The following KCNIP4 variants were observed in gnomAD, a reference collection of about 807,000 sequenced individuals.
The protein encoded by KCNIP4 is potassium voltage-gated channel interacting protein 4.
Under a neutral mutation model 34.0 loss-of-function variants are expected in KCNIP4, and 12 were observed. The observed-to-expected ratio is 0.35, with a 90% confidence interval of 0.23 to 0.57. The LOEUF (loss-of-function observed/expected upper bound fraction) is 0.57. Among genes scored for constraint, KCNIP4 ranks in the 20% least tolerant of loss-of-function variants. KCNIP4 has a pLI of 0.83. For synonymous variants in KCNIP4, 124 were observed against 102.2 expected, an observed-to-expected ratio of 1.21 and a Z score of -1.29; for missense variants, 238 against 311.7, an observed-to-expected ratio of 0.76 and a Z score of 1.78.
chr4:20,877,314 T>A (rs1724154728), intron 2 of KCNIP4, among the ~76,000 whole-genome samples: 1 of 152,188 alleles, frequency 6.6e-6, no homozygotes, highest in Non-Finnish European at 1.5e-5. Context: ...CACTGAATGT[T>A]TCATAGCCTT....
chr4:21,888,228 C>T (rs1394977262), intron 1 of KCNIP4, among the ~76,000 whole-genome samples: 1 of 152,074 alleles, frequency 6.6e-6, no homozygotes, highest in Non-Finnish European at 1.5e-5. Flanking sequence ...AGGATAAATA[C>T]AACAAGTTTA....
At chr4:21,067,148 G>A (rs2108987657) in intron 1 of KCNIP4, among the ~76,000 whole-genome samples, 1 of 152,144 alleles carries the variant, frequency 6.6e-6, no homozygotes, top group African/African-American at 2.4e-5. Flanking sequence ...ACACGCATTG[G>A]GCCAGAAGAT....
intron 6 of KCNIP4, among the ~76,000 whole-genome samples, chr4:20,734,362 A>G (rs181057063): frequency 6.6e-6 from 1 of 152,228 alleles, no homozygotes; most frequent in East Asian, 1.9e-4. Flanking sequence ...TCTGATTCCA[A>G]CCATGATCTT....
rs937209100 is a variant in KCNIP4, at chr4:21,781,551, C to G, written c.61+167020G>C. Among the ~76,000 whole-genome samples the G allele has an allele frequency of 2.0e-5, 3 of 152,048 alleles. 1 individual carries two copies. The highest frequency in any genetic ancestry group is 7.3e-5 in the African/African-American group (3 of 41,368). Reference sequence around the variant, plus strand: ...AAGGAAAACTAAGAAAATTTGTCACCAGCAGACCTAGACCAAAAGAATGCC... The same window carrying G: ...AAGGAAAACTAAGAAAATTTGTCACGAGCAGACCTAGACCAAAAGAATGCC... On this transcript the variant is annotated intron_variant, in intron 1 of 8. Transcript: ENST00000382152.
In KCNIP4 at chr4:21,217,998, T is replaced by TTTA. The variant is rs1553835620; in HGVS notation, c.62-335290_62-335289insTAA. Reference sequence around the variant, plus strand: ...CATCCCCCTGTATAGTTTTTTTTTTTAAATTTATTTATTTATTTATTATTA... The same window carrying TTTA: ...CATCCCCCTGTATAGTTTTTTTTTTTTTAAAATTTATTTATTTATTTATTATTA... On this transcript the variant is annotated intron_variant, in intron 1 of 8. Transcript: ENST00000382152. Among the ~76,000 whole-genome samples, 206 of 149,488 alleles carry TTTA rather than the reference T, an allele frequency of 1.4e-3. 1 individual carries two copies. The highest frequency in any genetic ancestry group is 4.4e-3 in the African/African-American group (177 of 40,616).
chr4:21,103,333 T>A (rs900232028), intron 1 of KCNIP4, among the ~76,000 whole-genome samples: 1 of 146,368 alleles, frequency 6.8e-6, no homozygotes, highest in African/African-American at 2.5e-5. Flanking sequence ...AAAATATATA[T>A]AATATATAAT....
chr4:21,485,718 A>G (rs566789023), intron 1 of KCNIP4, among the ~76,000 whole-genome samples: 1 of 152,328 alleles, frequency 6.6e-6, no homozygotes, highest in East Asian at 1.9e-4. Flanking sequence ...AAGGTGCACA[A>G]CTTGTATCCA....
intron 1 of KCNIP4, among the ~76,000 whole-genome samples, chr4:21,671,523 C>A (rs907445419): frequency 2.0e-5 from 3 of 152,194 alleles, no homozygotes; most frequent in Admixed American, 1.3e-4. Flanking sequence ...TCCACACAGG[C>A]ATCTTTCTTA....
In KCNIP4 at chr4:21,015,022, G is replaced by A. The variant is rs1191808518; in HGVS notation, c.62-132313C>T. On this transcript the variant is annotated intron_variant, in intron 1 of 8. Coordinates refer to ENST00000382152, the MANE Select transcript of KCNIP4 (RefSeq NM_025221.6). The stretch of plus-strand genomic sequence containing the variant: ...TGAAATAAGCCAGACACAAAAGGAC[G>A]AATGTTGTTATTAGTTTTTCTCAGA... 3.9e-5 allele frequency among the ~76,000 whole-genome samples: 6 copies of A among 152,144 alleles called. No individual in the cohort carries two copies. In the South Asian group the frequency reaches 8.3e-4, roughly 21 times the overall value.
chr4:21,798,029 C>A (rs1334428366), intron 1 of KCNIP4, among the ~76,000 whole-genome samples: 1 of 151,990 alleles, frequency 6.6e-6, no homozygotes, highest in Non-Finnish European at 1.5e-5. Context: ...TTGCCCCCCA[C>A]TCCTAGCTTA....
intron 1 of KCNIP4, among the ~76,000 whole-genome samples, chr4:21,528,752 A>G (rs866586131): frequency 0.013 from 140 of 11,118 alleles, 2 homozygotes; most frequent in East Asian, 0.016. Flanking sequence ...AGAAAGAAAG[A>G]AAGAAAGAAA....
At chr4:20,827,847 C>A (rs1267513888) in intron 3 of KCNIP4, among the ~76,000 whole-genome samples, 5 of 151,226 alleles carry the variant, frequency 3.3e-5, no homozygotes, top group Non-Finnish European at 7.4e-5. Context: ...ACATATACAT[C>A]TTCTGATGGA....
chr4:21,065,726 CTATATATATATA>C (rs5856598), intron 1 of KCNIP4, among the ~76,000 whole-genome samples: 1,030 of 86,356 alleles, frequency 0.012, 14 homozygotes, highest in Middle Eastern at 0.03. Context: ...TATCATTTGT[CTATATATATATA>C]TATATATATA....
intron 1 of KCNIP4, among the ~76,000 whole-genome samples, chr4:21,905,948 C>G (rs536869455): frequency 2.0e-5 from 3 of 152,248 alleles, no homozygotes; most frequent in South Asian, 2.1e-4. Context: ...ACTTGCCACA[C>G]GTAACACTTG....
intron 1 of KCNIP4, among the ~76,000 whole-genome samples, chr4:21,228,343 C>T (rs939299797): frequency 6.6e-6 from 1 of 152,186 alleles, no homozygotes; most frequent in African/African-American, 2.4e-5. Flanking sequence ...ATTGCTTCCC[C>T]TTCACCTTCT....
intron 1 of KCNIP4, among the ~76,000 whole-genome samples, chr4:21,306,954 C>G (rs974334517): frequency 6.6e-6 from 1 of 152,060 alleles, no homozygotes; most frequent in African/African-American, 2.4e-5. Context: ...TCCTGAGTAG[C>G]TGGGATTACA....
intron 1 of KCNIP4, among the ~76,000 whole-genome samples, chr4:21,754,369 T>A (rs1241795145): frequency 1.3e-5 from 2 of 152,242 alleles, no homozygotes; most frequent in African/African-American, 4.8e-5. Context: ...TTTTCCTTGC[T>A]AGAATATAAA....
At chr4:21,279,266 T>C (rs1306006784) in intron 1 of KCNIP4, among the ~76,000 whole-genome samples, 1 of 152,124 alleles carries the variant, frequency 6.6e-6, no homozygotes, top group Non-Finnish European at 1.5e-5. Flanking sequence ...TAGGGTAGGG[T>C]GGCACAAGTT....
At chr4:21,201,141 G>A (rs1313980671) in intron 1 of KCNIP4, among the ~76,000 whole-genome samples, 1 of 152,194 alleles carries the variant, frequency 6.6e-6, no homozygotes, top group Non-Finnish European at 1.5e-5. Context: ...GAATGTGGAG[G>A]ATTCAGATGA....
Sources: allele counts gnomAD v4.1 joint callset (sites outside exome capture counted in the v4.1 genomes callset), GRCh38; gene constraint gnomAD v4.1.1; transcripts MANE v1.5; gene names NCBI Gene and HGNC (gene_info 2026-07-23, HGNC 2026-07-21).